HHIPL1: variants seen among roughly 807,000 people sequenced by gnomAD.
HHIPL1 encodes the protein HHIP-like protein 1.
Under a neutral mutation model 61.8 loss-of-function variants are expected in HHIPL1, and 43 were observed. That is an observed-to-expected ratio of 0.70 (90% CI 0.55 to 0.90). The LOEUF (loss-of-function observed/expected upper bound fraction) is 0.90, where lower values mean the gene tolerates loss of function less well. HHIPL1 is among the 40% of genes least tolerant of loss of function. The probability of loss-of-function intolerance (pLI) is 0.00; values close to 1 mark genes in which losing one functional copy is unlikely to be tolerated. For synonymous variants in HHIPL1, 482 were observed against 515.8 expected (o/e 0.93, Z 0.89); for missense variants, 1,056 against 1,157.7 (o/e 0.91, Z 1.28).
the HHIPL1 span, among the ~76,000 whole-genome samples, chr14:99,631,078 T>G: frequency 6.7e-6 from 1 of 149,180 alleles, no homozygotes; most frequent in South Asian, 2.1e-4. Context: ...CTTTCTTTCT[T>G]TCTTTCTTTC....
chr14:99,671,252 G>A (rs1253219532), intron 7 of HHIPL1, among the ~76,000 whole-genome samples: 1 of 152,200 alleles, frequency 6.6e-6, no homozygotes, highest in African/African-American at 2.4e-5. Context: ...AACCACTGTG[G>A]CATTTTGGGG....
At chr14:99,622,726 A>G in the HHIPL1 span, among the ~76,000 whole-genome samples, 4 of 152,200 alleles carry the variant, frequency 2.6e-5, no homozygotes, top group South Asian at 8.3e-4. Flanking sequence ...GAGCCCCTGC[A>G]GAGGCAGCAC....
At chr14:99,670,114 CTTT>C (rs766131828) in intron 7 of HHIPL1, among the ~76,000 whole-genome samples, 2 of 144,350 alleles carry the variant, frequency 1.4e-5, no homozygotes, top group Non-Finnish European at 3.0e-5. Context: ...CAGTCTTTTA[CTTT>C]TTTTTTTTTT....
Position 99,659,459 on chromosome 14 carries a change from G to C in HHIPL1, c.1078G>C (p.Asp360His), listed in dbSNP as rs1278649634. 1.3e-6 allele frequency: 2 copies of C among 1,520,736 alleles called. No homozygotes were observed. The highest frequency in any genetic ancestry group is 1.8e-6 in the Non-Finnish European group (2 of 1,139,246). 94.2% of individuals were successfully genotyped at this position (1,520,736 alleles called of 1,614,324 possible). A position where few individuals can be genotyped will look rare whatever the true frequency, so the allele number is the denominator to read the frequency against. The stretch of plus-strand genomic sequence containing the variant: ...GCTGCTGGGCAAGGTGCTGCGCATC[G>C]ACGTGGACCGTAAGGAGCGCGGCCT... ...SALLGKVLRI[D>H]VDRKERGLPY... The change falls in exon 4 of 9, where the codon GAC becomes CAC. Residue 360 changes from aspartate to histidine, a missense_variant. Transcript: ENST00000330710.
chr14:99,637,679 G>A, the HHIPL1 span, among the ~76,000 whole-genome samples: 2 of 152,164 alleles, frequency 1.3e-5, no homozygotes, highest in Non-Finnish European at 1.5e-5. Context: ...GCACACAGTC[G>A]CCTTCAGGAG....
In HHIPL1 at chr14:99,674,403, C is replaced by T. The variant is rs138059575; in HGVS notation, c.1814-688C>T. ...ATCACCTGCCTCAGCTCCCTAGCAC[C>T]GACTGCACCCAGGCTCTGTGGTGGG... On this transcript the variant is annotated intron_variant, in intron 8 of 8. Coordinates refer to ENST00000330710, the MANE Select transcript of HHIPL1 (RefSeq NM_001127258.3). 1.5e-3 allele frequency among the ~76,000 whole-genome samples: 226 copies of T among 152,126 alleles called. 2 individuals carry two copies. Among genetic ancestry groups the T allele is most frequent in the East Asian group, 6.4e-3 (33 of 5,170 alleles).
In HHIPL1 at chr14:99,668,237, T is replaced by C. The variant is rs752438512; in HGVS notation, c.1664T>C (p.Met555Thr). Reference sequence around the variant, plus strand: ...CTGTCCAAAGGGGAGCTGTACTTCATGTCGACAGGGGAGCCGAGTGCCACA... The same window carrying C: ...CTGTCCAAAGGGGAGCTGTACTTCACGTCGACAGGGGAGCCGAGTGCCACA... ...GEDEAGELYFMSTGEPSATAP... is the reference protein window; with the variant it reads ...GEDEAGELYFTSTGEPSATAP... The change falls in exon 7 of 9, where the codon ATG becomes ACG. Residue 555 changes from methionine (M) to threonine (T), a missense_variant. Transcript: ENST00000330710. This position sits in a 1 kb window ranked among gnomAD's most constrained non-coding sequence, Gnocchi z 4.7. 14 of 1,610,816 alleles carry C rather than the reference T, an allele frequency of 8.7e-6. No homozygotes were observed. The highest frequency in any genetic ancestry group is 1.3e-5 in the African/African-American group (1 of 74,826).
At chr14:99,638,662 G>C in the HHIPL1 span, among the ~76,000 whole-genome samples, 1 of 152,218 alleles carries the variant, frequency 6.6e-6, no homozygotes, top group East Asian at 1.9e-4. Context: ...GTTGGGTTGA[G>C]GGAGAGTCCT....
the HHIPL1 span, among the ~76,000 whole-genome samples, chr14:99,609,660 C>T: frequency 6.6e-6 from 1 of 152,212 alleles, no homozygotes; most frequent in Non-Finnish European, 1.5e-5. Context: ...CATGCTGGAC[C>T]GCCAGGGGCA....
In HHIPL1 at chr14:99,654,188, C is replaced by CAAAAAAA. The variant is rs754501639; in HGVS notation, c.902+1332_902+1338dup. On this transcript the variant is annotated intron_variant, in intron 2 of 8. Coordinates refer to ENST00000330710, the MANE Select transcript of HHIPL1 (RefSeq NM_001127258.3). The stretch of plus-strand genomic sequence containing the variant: ...TGGATGACAGAGCAAGACTCTGTCT[C>CAAAAAAA]AAAAAAAAAAAAAAAAAAAAGAAAA... Among the ~76,000 whole-genome samples the CAAAAAAA allele has an allele frequency of 3.6e-4, 32 of 89,400 alleles. 2 individuals carry two copies. Among genetic ancestry groups the CAAAAAAA allele is most frequent in the African/African-American group, 4.2e-4 (8 of 19,260 alleles). The allele number at this position is 89,400 out of a possible 152,430, so 58.6% of individuals were successfully genotyped here.
chr14:99,656,819 G>GA (rs1220204063), intron 2 of HHIPL1, among the ~76,000 whole-genome samples, 181 bp from the exon 3 acceptor site: 6 of 3,918 alleles, frequency 1.5e-3, no homozygotes, highest in Non-Finnish European at 3.5e-3. Flanking sequence ...AAGAAAGAAA[G>GA]AAAGAAAGAA....
chr14:99,657,172 G>A (rs1193317593), intron 3 of HHIPL1, 29 bp downstream of exon 3: 1 of 1,609,758 alleles, frequency 6.2e-7, no homozygotes. Flanking sequence ...TGGCTTGTGG[G>A]TTGGTCTCCA....
At chr14:99,620,099 G>A in the HHIPL1 span, among the ~76,000 whole-genome samples, 2 of 152,166 alleles carry the variant, frequency 1.3e-5, no homozygotes, top group Non-Finnish European at 2.9e-5. Flanking sequence ...GTTCACGGCT[G>A]TCAGGGCAAT....
In HHIPL1 at chr14:99,675,446, C is replaced by T. The variant is rs1366951223; in HGVS notation, c.2169C>T (p.Arg723=). Residue 723 remains arginine, a synonymous_variant, in exon 9 of 9, where the codon CGC becomes CGT. Transcript: ENST00000330710. The surrounding 1 kb of genome is among the most constrained non-coding windows in gnomAD (Gnocchi z 5.4). ...CRQLGFAYAV[R]AVKRAEFGQG... ...AGCTGGGGTTTGCCTACGCCGTGCG[C>T]GCCGTCAAGAGAGCCGAGTTCGGCC... The T allele has an allele frequency of 2.0e-6, 3 of 1,538,376 alleles. No individual in the cohort carries two copies. Among genetic ancestry groups the T allele is most frequent in the Non-Finnish European group, 2.6e-6 (3 of 1,145,754 alleles).
chr14:99,673,657 G>T (rs112912915), intron 8 of HHIPL1, among the ~76,000 whole-genome samples: 1 of 2,410 alleles, frequency 4.1e-4, no homozygotes, highest in African/African-American at 1.7e-3. Flanking sequence ...CATGGAGGGG[G>T]GGTGCACTGA....
chr14:99,661,405 GA>G (rs2056149287), intron 5 of HHIPL1, among the ~76,000 whole-genome samples: 1 of 128,934 alleles, frequency 7.8e-6, no homozygotes, highest in Non-Finnish European at 1.7e-5. Flanking sequence ...GAGAAAGAAA[GA>G]GAGAGAGAGA....
intron 1 of HHIPL1, among the ~76,000 whole-genome samples, chr14:99,647,600 T>C (rs1167755716): frequency 6.6e-6 from 1 of 152,160 alleles, no homozygotes; most frequent in South Asian, 2.1e-4. Flanking sequence ...AGTGACCTCA[T>C]GTCTGGAGTG....
At chr14:99,634,625 G>A in the HHIPL1 span, among the ~76,000 whole-genome samples, 7 of 152,250 alleles carry the variant, frequency 4.6e-5, no homozygotes, top group East Asian at 9.7e-4. Context: ...GTTTGAAATC[G>A]GCATCTCCCA....
At chr14:99,674,972 C>T in intron 8 of HHIPL1, 119 bp from the exon 9 acceptor site, 1 of 443,430 alleles carries the variant, frequency 2.3e-6, no homozygotes, top group Non-Finnish European at 3.1e-6. Flanking sequence ...AGGACAGACC[C>T]AGGACATCCT....
Sources: gnomAD v4.1 joint callset for allele counts (sites outside exome capture counted in the v4.1 genomes callset) on GRCh38, gnomAD v4.1.1 for gene constraint, Gnocchi (gnomAD v3.1) non-coding constraint, MANE v1.5 for transcripts, NCBI Gene and HGNC (gene_info 2026-07-23, HGNC 2026-07-21) for gene names.